NRG2: variants seen among roughly 807,000 people sequenced by gnomAD.
NRG2 encodes the protein pro-neuregulin-2, membrane-bound isoform.
Under a neutral mutation model 73.9 loss-of-function variants are expected in NRG2, and 27 were observed. The ratio of observed to expected loss-of-function variants is 0.37; its 90% CI spans 0.27 to 0.50. NRG2 has a LOEUF of 0.50. NRG2 is among the 20% of genes least tolerant of loss of function. The probability of loss-of-function intolerance (pLI) is 0.96; values close to 1 mark genes in which losing one functional copy is unlikely to be tolerated. For synonymous variants in NRG2, 532 were observed against 541.0 expected (o/e 0.98, Z 0.23); for missense variants, 1,126 against 1,210.1 (o/e 0.93, Z 1.03).
intron 1 of NRG2, among the ~76,000 whole-genome samples, chr5:139,971,876 C>A (rs1218239785): frequency 6.6e-6 from 1 of 152,088 alleles, no homozygotes; most frequent in African/African-American, 2.4e-5. Flanking sequence ...AACCCAAGGG[C>A]ATAATTGATT....
rs1488989054 is a variant in NRG2, at chr5:140,043,292, A to G, written c.-223T>C. On this transcript the variant is annotated 5_prime_UTR_variant, in exon 1 of 10. Coordinates refer to ENST00000361474, the MANE Select transcript of NRG2 (RefSeq NM_004883.3). The surrounding 1 kb of genome is among the most constrained non-coding windows in gnomAD (Gnocchi z 6.7). The stretch of plus-strand genomic sequence containing the variant: ...TCCCACCCTGTGCGCCAGGACCTGG[A>G]GGAGGATGCGGAGGATGGGACGCCC... The G allele has an allele frequency of 9.1e-6, 5 of 547,632 alleles. No individual in the cohort carries two copies. Among genetic ancestry groups the G allele is most frequent in the Non-Finnish European group, 1.6e-5 (5 of 315,184 alleles). 33.9% of individuals were successfully genotyped at this position (547,632 alleles called of 1,614,324 possible). A position where few individuals can be genotyped will look rare whatever the true frequency, so the allele number is the denominator to read the frequency against.
chr5:139,982,033 G>T (rs990920967), intron 1 of NRG2, among the ~76,000 whole-genome samples: 8 of 152,332 alleles, frequency 5.3e-5, no homozygotes, highest in Admixed American at 5.2e-4. Flanking sequence ...TTAGCTCTTA[G>T]AAGAGACCTT....
rs544221416 is a variant in NRG2 at position 139,869,388 on chromosome 5, C to T, written c.1112+2333G>A. ...TAAACAAACAGCACAAATGGTAAGA[C>T]GTGAGTTCCGTTTCCTAAGTTCTTT... is the stretch of plus-strand genomic sequence containing the variant. On this transcript the variant is annotated intron_variant, in intron 4 of 9. Transcript: ENST00000361474. This position sits in a 1 kb window ranked among gnomAD's most constrained non-coding sequence, Gnocchi z 4.5. 6 of 152,302 alleles carry T rather than the reference C, an allele frequency of 3.9e-5. No homozygotes were observed. The highest frequency in any genetic ancestry group is 2.1e-4 in the South Asian group (1 of 4,826). 9.4% of individuals were successfully genotyped at this position (152,302 alleles called of 1,614,324 possible).
At chr5:139,911,728 C>G (rs573967873) in intron 1 of NRG2, among the ~76,000 whole-genome samples, 17 of 152,192 alleles carry the variant, frequency 1.1e-4, no homozygotes, top group South Asian at 2.1e-4. Flanking sequence ...ACAGTTCTCA[C>G]TGAGGTGAGA....
At chr5:139,962,531 GA>G (rs1755152365) in intron 1 of NRG2, among the ~76,000 whole-genome samples, 1 of 152,176 alleles carries the variant, frequency 6.6e-6, no homozygotes, top group African/African-American at 2.4e-5. Flanking sequence ...GGTAAATGAA[GA>G]GTGGCCCCAG....
At chr5:139,914,767 C>T (rs1018697081) in intron 1 of NRG2, among the ~76,000 whole-genome samples, 2 of 152,200 alleles carry the variant, frequency 1.3e-5, no homozygotes, top group South Asian at 4.1e-4. Context: ...CCCAGGTGCC[C>T]GCCCCACCCA....
At position 139,940,876 on chromosome 5, in the gene NRG2, A is replaced by T. The variant is rs544301534; in HGVS notation, c.701-53365T>A. 1.6e-3 allele frequency among the ~76,000 whole-genome samples: 237 copies of T among 152,280 alleles called. 1 individual carries two copies. Among genetic ancestry groups the T allele is most frequent in the African/African-American group, 5.5e-3 (230 of 41,570 alleles). On this transcript the variant is annotated intron_variant, in intron 1 of 9. Coordinates refer to ENST00000361474, the MANE Select transcript of NRG2 (RefSeq NM_004883.3). ...AGATGCTGATACAGGGAAGTACAGG[A>T]TGCTGTGGAAGTTCATCAGGAAGGG...
intron 1 of NRG2, among the ~76,000 whole-genome samples, chr5:139,902,250 C>T (rs991596990): frequency 6.6e-6 from 1 of 152,242 alleles, no homozygotes; most frequent in Non-Finnish European, 1.5e-5. Context: ...TACCAAGCCT[C>T]AGACCCACAA....
At chr5:140,025,736 G>A (rs755668134) in intron 1 of NRG2, among the ~76,000 whole-genome samples, 9 of 152,168 alleles carry the variant, frequency 5.9e-5, no homozygotes, top group Non-Finnish European at 1.0e-4. Context: ...TTAATTCCAA[G>A]ATAAAATCCT....
intron 1 of NRG2, among the ~76,000 whole-genome samples, chr5:139,968,883 A>G (rs1467747894): frequency 2.0e-5 from 3 of 152,196 alleles, no homozygotes; most frequent in Non-Finnish European, 4.4e-5. Context: ...CCAGGAGGAG[A>G]GGGCACTCCG....
intron 5 of NRG2, among the ~76,000 whole-genome samples, chr5:139,864,497 A>G (rs755395788): frequency 2.0e-5 from 3 of 146,828 alleles, no homozygotes; most frequent in Non-Finnish European, 4.5e-5. Context: ...AGAGGTGCTG[A>G]GAGAGTCACC....
Position 139,847,922 on chromosome 5 carries a change from G to T in NRG2, c.2548C>A (p.Leu850Ile). Residue 850 changes from leucine (L) to isoleucine (I), a missense_variant, in exon 10 of 10, where the codon CTC (leucine) becomes ATC (isoleucine). Leu to Ile is a conservative substitution (Grantham distance 5). This residue lies in a region of NRG2 where 402 missense variants were observed against 357.8 expected (regional missense o/e 1.12). Transcript: ENST00000361474. Reference protein sequence around the residue: ...PPRAKQDSAPL With the variant: ...PPRAKQDSAPI ...GAGGGGCGCGCGGCGGGGCCCTAGA[G>T]TGGCGCCGAGTCCTGCTTGGCCCGC... The T allele has an allele frequency of 6.7e-7, 1 of 1,486,052 alleles. No homozygotes were observed. The highest frequency in any genetic ancestry group is 2.9e-5 in the East Asian group (1 of 34,338). The allele number at this position is 1,486,052 out of a possible 1,614,324, so 92.1% of individuals were successfully genotyped here. A position where few individuals can be genotyped will look rare whatever the true frequency, so the allele number is the denominator to read the frequency against.
At chr5:139,941,523 A>AAAAGT (rs1213466801) in intron 1 of NRG2, among the ~76,000 whole-genome samples, 1 of 152,194 alleles carries the variant, frequency 6.6e-6, no homozygotes, top group Non-Finnish European at 1.5e-5. Context: ...TTTCATACAG[A>AAAAGT]AAAGTAATGC....
intron 1 of NRG2, among the ~76,000 whole-genome samples, chr5:139,914,467 C>T (rs1751091810): frequency 2.0e-5 from 3 of 152,194 alleles, no homozygotes; most frequent in Admixed American, 2.0e-4. Context: ...CTTCCTCTCG[C>T]TGCTTTCCAG....
At chr5:139,920,928 AAAGTC>A (rs1274083050) in intron 1 of NRG2, among the ~76,000 whole-genome samples, 3 of 152,234 alleles carry the variant, frequency 2.0e-5, no homozygotes, top group Non-Finnish European at 4.4e-5. Context: ...TAATAATACA[AAAGTC>A]AATCACTTTC....
In NRG2 at chr5:139,847,877, A is replaced by G. The variant is rs1581752219; in HGVS notation, c.*40T>C. Reference sequence around the variant, plus strand: ...TAGGCGGTCTCTGGTCTCCTTAAAGATAGTGGGGCGGGCGGGGCGGAGGGG... The same window carrying G: ...TAGGCGGTCTCTGGTCTCCTTAAAGGTAGTGGGGCGGGCGGGGCGGAGGGG... On this transcript the variant is annotated 3_prime_UTR_variant, in exon 10 of 10. Coordinates refer to ENST00000361474, the MANE Select transcript of NRG2 (RefSeq NM_004883.3). The G allele has an allele frequency of 4.6e-6, 6 of 1,299,512 alleles. No individual in the cohort carries two copies. Among genetic ancestry groups the G allele is most frequent in the African/African-American group, 1.6e-5 (1 of 63,296 alleles). 80.5% of individuals were successfully genotyped at this position (1,299,512 alleles called of 1,614,324 possible).
intron 1 of NRG2, among the ~76,000 whole-genome samples, chr5:140,034,153 G>T (rs1054938475): frequency 6.6e-6 from 1 of 152,082 alleles, no homozygotes; most frequent in Non-Finnish European, 1.5e-5. Flanking sequence ...ATACAGATAG[G>T]ATTTAACCAT....
At chr5:139,946,167 AAAG>A (rs775399660) in intron 1 of NRG2, among the ~76,000 whole-genome samples, 3 of 152,098 alleles carry the variant, frequency 2.0e-5, no homozygotes, top group Non-Finnish European at 2.9e-5. Flanking sequence ...CAATTTTGAA[AAAG>A]AAGAACAAAG....
At chr5:139,871,595 C>T in intron 4 of NRG2, 126 bp downstream of exon 4, 2 of 1,253,204 alleles carry the variant, frequency 1.6e-6, no homozygotes, top group Non-Finnish European at 2.2e-6. Flanking sequence ...GCAAAGCTTC[C>T]TGTCTACACC....
Sources: allele counts gnomAD v4.1 joint callset (sites outside exome capture counted in the v4.1 genomes callset), GRCh38; gene constraint gnomAD v4.1.1; regional missense constraint gnomAD v4.1.1; non-coding constraint Gnocchi (gnomAD v3.1); transcripts MANE v1.5; gene names NCBI Gene and HGNC (gene_info 2026-07-23, HGNC 2026-07-21).